SLC5A4: variants seen among roughly 807,000 people sequenced by gnomAD.
SLC5A4 encodes solute carrier family 5 member 4.
In SLC5A4, 55 loss-of-function variants were observed where a neutral mutation model predicts 70.3. The ratio of observed to expected loss-of-function variants is 0.78; its 90% CI spans 0.63 to 0.98. SLC5A4 has a LOEUF of 0.98. SLC5A4 is among the 50% of genes least tolerant of loss of function. The probability of loss-of-function intolerance (pLI) is 0.00; values close to 1 mark genes in which losing one functional copy is unlikely to be tolerated. For synonymous variants in SLC5A4, 268 were observed against 305.7 expected, an observed-to-expected ratio of 0.88 and a Z score of 1.29; for missense variants, 735 against 839.2, an observed-to-expected ratio of 0.88 and a Z score of 1.53.
At chr22:32,236,796 C>T (rs1217423484) in intron 7 of SLC5A4, among the ~76,000 whole-genome samples, 1 of 151,014 alleles carries the variant, frequency 6.6e-6, no homozygotes, top group African/African-American at 2.4e-5. Flanking sequence ...CCTCCGATTT[C>T]CGGGTTCACA....
At chr22:32,324,890 G>A in the SLC5A4 span, among the ~76,000 whole-genome samples, 2 of 152,252 alleles carry the variant, frequency 1.3e-5, no homozygotes, top group East Asian at 3.8e-4. Context: ...CAGCCTTCTG[G>A]AAGGAATCTT....
chr22:32,312,203 G>A, the SLC5A4 span, among the ~76,000 whole-genome samples: 23 of 152,128 alleles, frequency 1.5e-4, 1 homozygote, highest in African/African-American at 5.3e-4. Flanking sequence ...AGACACAGAG[G>A]GGCTGTACCC....
At chr22:32,221,352 T>A (rs1481930465) in intron 13 of SLC5A4, among the ~76,000 whole-genome samples, 1 of 152,212 alleles carries the variant, frequency 6.6e-6, no homozygotes, top group Non-Finnish European at 1.5e-5. Flanking sequence ...GTCCTTAACA[T>A]CCAACAGTTA....
chr22:32,241,927 G>A (rs1210967312), intron 5 of SLC5A4, among the ~76,000 whole-genome samples: 1 of 151,754 alleles, frequency 6.6e-6, no homozygotes, highest in Non-Finnish European at 1.5e-5. Context: ...ATTCTCAGTT[G>A]TGGAAGAGGG....
chr22:32,271,579 C>T, the SLC5A4 span: 8 of 700,472 alleles, frequency 1.1e-5, no homozygotes, highest in Middle Eastern at 2.5e-4. Context: ...CCCGGGGCCG[C>T]GTGGCGTGTT....
At chr22:32,234,800 A>T in intron 8 of SLC5A4, 73 bp downstream of exon 8, 1 of 1,079,652 alleles carries the variant, frequency 9.3e-7, no homozygotes, top group Non-Finnish European at 1.4e-6. Context: ...ACAAGAAAGA[A>T]CAAGCACATG....
At chr22:32,324,892 A>C in the SLC5A4 span, among the ~76,000 whole-genome samples, 1 of 152,254 alleles carries the variant, frequency 6.6e-6, no homozygotes, top group Admixed American at 6.5e-5. Flanking sequence ...GCCTTCTGGA[A>C]GGAATCTTTG....
the SLC5A4 span, among the ~76,000 whole-genome samples, chr22:32,300,845 ATT>A: frequency 7.3e-4 from 111 of 152,188 alleles, 1 homozygote; most frequent in South Asian, 0.022. Flanking sequence ...TCATCATTTT[ATT>A]TCTGTCATAA....
At chr22:32,343,973 G>T in the SLC5A4 span, among the ~76,000 whole-genome samples, 7 of 152,288 alleles carry the variant, frequency 4.6e-5, 1 homozygote, top group Admixed American at 3.3e-4. Flanking sequence ...TCGAACAGTT[G>T]TAAGAAAATG....
chr22:32,271,541 AG>A, the SLC5A4 span: 126 of 707,228 alleles, frequency 1.8e-4, 1 homozygote, highest in African/African-American at 1.7e-3. Context: ...AGAAGAAAGC[AG>A]GTGGCCGCAC....
the SLC5A4 span, among the ~76,000 whole-genome samples, chr22:32,316,221 A>C: frequency 6.6e-6 from 1 of 152,192 alleles, no homozygotes; most frequent in Non-Finnish European, 1.5e-5. Flanking sequence ...ATACTTTAAA[A>C]ATAGTTAAAA....
chr22:32,270,365 A>G, the SLC5A4 span: 585 of 1,401,216 alleles, frequency 4.2e-4, 3 homozygotes, highest in African/African-American at 7.1e-3. Context: ...AAGAGCATCC[A>G]GCCCCAGGTG....
At chr22:32,269,446 G>T in the SLC5A4 span, 1 of 501,140 alleles carries the variant, frequency 2.0e-6, no homozygotes, top group South Asian at 1.7e-5. This position sits in a 1 kb window ranked among gnomAD's most constrained non-coding sequence, Gnocchi z 4.1. Flanking sequence ...TGCAGTTCCT[G>T]CACGGCTACT....
chr22:32,338,072 G>C, the SLC5A4 span, among the ~76,000 whole-genome samples: 2 of 152,092 alleles, frequency 1.3e-5, no homozygotes, highest in African/African-American at 2.4e-5. Flanking sequence ...ATGCAAATTA[G>C]GAAAAATACA....
the SLC5A4 span, among the ~76,000 whole-genome samples, chr22:32,322,511 G>A: frequency 6.6e-6 from 1 of 152,008 alleles, no homozygotes; most frequent in East Asian, 1.9e-4. Context: ...CTTGAACCCG[G>A]GAGGTGAAGG....
At chr22:32,248,610 C>A in intron 4 of SLC5A4, 133 bp downstream of exon 4, 1 of 685,430 alleles carries the variant, frequency 1.5e-6, no homozygotes, top group Non-Finnish European at 2.6e-6. Context: ...GACTGAGCTC[C>A]CATCTCCTCT....
the SLC5A4 span, among the ~76,000 whole-genome samples, chr22:32,320,573 T>C: frequency 6.6e-6 from 1 of 152,192 alleles, no homozygotes; most frequent in South Asian, 2.1e-4. Flanking sequence ...TCTGCTTTCC[T>C]TTCCTGGGTG....
the SLC5A4 span, among the ~76,000 whole-genome samples, chr22:32,329,578 T>TA: frequency 7.3e-6 from 1 of 136,492 alleles, no homozygotes; most frequent in Non-Finnish European, 1.6e-5. Context: ...TTGCGGGCTC[T>TA]GGTGTGTGTC....
At chr22:32,306,091 G>A in the SLC5A4 span, among the ~76,000 whole-genome samples, 72,811 of 151,926 alleles carry the variant, frequency 0.48, 17,609 homozygotes, top group Admixed American at 0.51. Flanking sequence ...AGCTCATTTT[G>A]AAACATTGAA....
Sources: allele counts gnomAD v4.1 joint callset (sites outside exome capture counted in the v4.1 genomes callset), GRCh38; gene constraint gnomAD v4.1.1; non-coding constraint Gnocchi (gnomAD v3.1); transcripts MANE v1.5; gene names NCBI Gene and HGNC (gene_info 2026-07-23, HGNC 2026-07-21).